SCNN1B: variants seen among roughly 807,000 people sequenced by gnomAD.
SCNN1B encodes epithelial sodium channel subunit beta.
In SCNN1B, 46 loss-of-function variants were observed where a neutral mutation model predicts 65.3. The ratio of observed to expected loss-of-function variants is 0.70; its 90% CI spans 0.56 to 0.90. The LOEUF is 0.90. Among genes scored for constraint, SCNN1B ranks in the 40% least tolerant of loss-of-function variants. The pLI, the probability that SCNN1B is intolerant of heterozygous loss-of-function variation, is 0.00. For missense variants in SCNN1B, 751 were observed against 830.5 expected, an observed-to-expected ratio of 0.90 and a Z score of 1.18; for synonymous variants, 349 against 330.6, an observed-to-expected ratio of 1.06 and a Z score of -0.60.
Position 23,381,008 on chromosome 16 carries a change from G to A in SCNN1B, c.*207G>A. ...ATCACGGTGCTGGTACAGGATGCAG[G>A]AATAAATTGTATCTTCACCTGGTTC... On this transcript the variant is annotated 3_prime_UTR_variant, in exon 13 of 13. Coordinates refer to ENST00000343070, the MANE Select transcript of SCNN1B (RefSeq NM_000336.3). 1 of 645,916 alleles carries A rather than the reference G, an allele frequency of 1.5e-6. No individual in the cohort carries two copies. The highest frequency in any genetic ancestry group is 2.8e-6 in the Non-Finnish European group (1 of 360,194). 40.0% of individuals were successfully genotyped at this position (645,916 alleles called of 1,614,324 possible).
intron 1 of SCNN1B, among the ~76,000 whole-genome samples, chr16:23,347,034 C>T (rs952677959): frequency 6.6e-6 from 1 of 152,092 alleles, no homozygotes; most frequent in Non-Finnish European, 1.5e-5. Flanking sequence ...GAGTTCGAGG[C>T]TGCAGTGAGC....
At chr16:23,314,345 C>T (rs943344823) in intron 1 of SCNN1B, among the ~76,000 whole-genome samples, 1 of 152,160 alleles carries the variant, frequency 6.6e-6, no homozygotes, top group African/African-American at 2.4e-5. Context: ...ATTATTATCC[C>T]CCTTTTACAC....
At chr16:23,282,100 G>T (rs1399016324) in intron 1 of SCNN1B, among the ~76,000 whole-genome samples, 1 of 152,082 alleles carries the variant, frequency 6.6e-6, no homozygotes, top group Non-Finnish European at 1.5e-5. Flanking sequence ...ATGAAGGATG[G>T]AACACTGCCT....
At chr16:23,346,953 A>C (rs184607172) in intron 1 of SCNN1B, among the ~76,000 whole-genome samples, 1 of 152,238 alleles carries the variant, frequency 6.6e-6, no homozygotes, top group East Asian at 1.9e-4. Flanking sequence ...TGAAGGACTG[A>C]GAAGGAGATT....
chr16:23,293,450 A>C (rs549632729), intron 2 of SCNN1B, among the ~76,000 whole-genome samples: 1 of 152,340 alleles, frequency 6.6e-6, no homozygotes, highest in South Asian at 2.1e-4. Flanking sequence ...CACTTATACG[A>C]GGTCCCTAAG....
chr16:23,370,188 C>T lies in SCNN1B; in HGVS notation c.881-1111C>T, dbSNP rs189825524. ...TGGCGCAATCTCGGCTCACTACAAC[C>T]TCTGTCTCCCAGGTTCAAGCAATTC... On this transcript the variant is annotated intron_variant, in intron 5 of 12. Coordinates refer to ENST00000343070, the MANE Select transcript of SCNN1B (RefSeq NM_000336.3). Among the ~76,000 whole-genome samples, 291 of 152,296 alleles carry T rather than the reference C, an allele frequency of 1.9e-3. 1 individual carries two copies. Among genetic ancestry groups the T allele is most frequent in the Admixed American group, 4.0e-3 (61 of 15,300 alleles).
rs770978463 is a variant in SCNN1B at position 23,348,654 on chromosome 16, G to T, written c.55G>T (p.Gly19Cys). Reference protein sequence around the residue: ...KGLHRLQKGPGYTYKELLVWY... With the variant: ...KGLHRLQKGPCYTYKELLVWY... Reference sequence around the variant, plus strand: ...CCTGCATCGGCTGCAGAAGGGCCCCGGCTACACGTACAAGGAGCTGCTGGT... The same window carrying T: ...CCTGCATCGGCTGCAGAAGGGCCCCTGCTACACGTACAAGGAGCTGCTGGT... The change falls in exon 2 of 13, where the codon GGC (glycine) becomes TGC (cysteine). Residue 19 changes from glycine to cysteine, a missense_variant. Physicochemically the swap from Gly to Cys is radical, Grantham distance 159. Coordinates refer to ENST00000343070, the MANE Select transcript of SCNN1B (RefSeq NM_000336.3). This position sits in a 1 kb window ranked among gnomAD's most constrained non-coding sequence, Gnocchi z 4.5. The T allele has an allele frequency of 6.2e-7, 1 of 1,613,712 alleles. No homozygotes were observed. The highest frequency in any genetic ancestry group is 1.1e-5 in the South Asian group (1 of 91,050).
chr16:23,378,198 T>C (rs1446274721), intron 10 of SCNN1B, among the ~76,000 whole-genome samples: 2 of 152,090 alleles, frequency 1.3e-5, no homozygotes, highest in African/African-American at 4.8e-5. Context: ...TTTGTAGAGA[T>C]GGAGTCTCGC....
At chr16:23,347,865 C>T (rs1025398065) in intron 1 of SCNN1B, among the ~76,000 whole-genome samples, 2 of 152,288 alleles carry the variant, frequency 1.3e-5, no homozygotes, top group African/African-American at 2.4e-5. Flanking sequence ...GCCATGACTG[C>T]GCCACTGCGC....
intron 1 of SCNN1B, among the ~76,000 whole-genome samples, chr16:23,340,918 A>ATGTG (rs1962042208): frequency 6.7e-6 from 1 of 150,190 alleles, no homozygotes; most frequent in Non-Finnish European, 1.5e-5. Context: ...GTGTGTGTGC[A>ATGTG]TGTGTACACA....
At position 23,365,919 on chromosome 16, in the gene SCNN1B, T is replaced by C. The variant is rs535834130; in HGVS notation, c.777-1937T>C. Among the ~76,000 whole-genome samples the C allele has an allele frequency of 3.3e-5, 5 of 152,366 alleles. No homozygotes were observed. The East Asian group carries it at 9.6e-4, about 29-fold the overall frequency. On this transcript the variant is annotated intron_variant, in intron 4 of 12. Coordinates refer to ENST00000343070, the MANE Select transcript of SCNN1B (RefSeq NM_000336.3). Reference sequence around the variant, plus strand: ...CACAGCCTGTCCTGGACCCAAGTCATTCTGCAAGTCAACTAGCTGAGACAA... The same window carrying C: ...CACAGCCTGTCCTGGACCCAAGTCACTCTGCAAGTCAACTAGCTGAGACAA...
intron 2 of SCNN1B, among the ~76,000 whole-genome samples, chr16:23,289,562 A>C (rs376609877): frequency 1.8e-4 from 28 of 152,112 alleles, no homozygotes; most frequent in African/African-American, 6.5e-4. Flanking sequence ...AAGAAAAAAA[A>C]AAAGAAATCC....
chr16:23,291,861 G>A (rs963056501), intron 2 of SCNN1B, among the ~76,000 whole-genome samples: 2 of 151,454 alleles, frequency 1.3e-5, no homozygotes, highest in Admixed American at 6.6e-5. Context: ...GTTTACAGGC[G>A]TGAGCTACCG....
In SCNN1B at chr16:23,360,618, C is replaced by T. The variant is rs1215229201; in HGVS notation, c.776+5129C>T. On this transcript the variant is annotated intron_variant, in intron 4 of 12. Transcript: ENST00000343070. The stretch of plus-strand genomic sequence containing the variant: ...TTTTTTTTTTTTTTTTTTTTTGAGA[C>T]GGAGTTTTGTTCTTGCCCCCAGGCT... Among the ~76,000 whole-genome samples, 57 of 88,292 alleles carry T rather than the reference C, an allele frequency of 6.5e-4. No individual in the cohort carries two copies. In the East Asian group the frequency reaches 0.014, roughly 22 times the overall value. The allele number at this position is 88,292 out of a possible 152,430, so 57.9% of individuals were successfully genotyped here.
intron 1 of SCNN1B, among the ~76,000 whole-genome samples, 166 bp downstream of exon 1, chr16:23,302,603 G>A (rs1360859820): frequency 1.3e-5 from 2 of 152,156 alleles, no homozygotes; most frequent in Non-Finnish European, 2.9e-5. Context: ...GACCCGGCCT[G>A]GGGACTGAAC....
intron 1 of SCNN1B, among the ~76,000 whole-genome samples, chr16:23,346,200 CTTTTTTTTTT>C (rs753802362): frequency 3.2e-4 from 25 of 78,006 alleles, no homozygotes; most frequent in East Asian, 2.4e-3. Context: ...TTTTCCTTTT[CTTTTTTTTTT>C]TTTTTTTTTT....
chr16:23,344,638 T>G (rs182962765), intron 1 of SCNN1B, among the ~76,000 whole-genome samples: 119 of 152,298 alleles, frequency 7.8e-4, no homozygotes, highest in African/African-American at 2.6e-3. Flanking sequence ...GGTTACTCTA[T>G]GAACATCCTC....
At chr16:23,301,155 G>C (rs1403462396), upstream of SCNN1B, among the ~76,000 whole-genome samples, 1 of 152,022 alleles carries the variant, frequency 6.6e-6, no homozygotes, top group Non-Finnish European at 1.5e-5. Flanking sequence ...CTTGAGTCCA[G>C]GAGTTCCAGA....
At chr16:23,323,747 C>G (rs1290971038) in intron 1 of SCNN1B, among the ~76,000 whole-genome samples, 2 of 152,236 alleles carry the variant, frequency 1.3e-5, no homozygotes, top group African/African-American at 4.8e-5. Flanking sequence ...GGTTGAGGGG[C>G]CTTTATTCTA....
Sources: gnomAD v4.1 joint callset for allele counts (sites outside exome capture counted in the v4.1 genomes callset) on GRCh38, gnomAD v4.1.1 for gene constraint, Gnocchi (gnomAD v3.1) non-coding constraint, MANE v1.5 for transcripts, NCBI Gene and HGNC (gene_info 2026-07-23, HGNC 2026-07-21) for gene names.